Variants in KHDRBS2 observed in about 807,000 individuals in gnomAD.
The protein encoded by KHDRBS2 is KH domain-containing, RNA-binding, signal transduction-associated protein 2.
A neutral mutation model predicts 44.3 loss-of-function variants in KHDRBS2; 26 were observed. That is an observed-to-expected ratio of 0.59 (90% CI 0.43 to 0.81). The LOEUF is 0.81. Among genes scored for constraint, KHDRBS2 ranks in the 40% least tolerant of loss-of-function variants. The pLI, the probability that KHDRBS2 is intolerant of heterozygous loss-of-function variation, is 0.00. For synonymous variants in KHDRBS2, 194 were observed against 151.1 expected (o/e 1.28, Z -2.08); for missense variants, 476 against 433.1 (o/e 1.10, Z -0.88).
the KHDRBS2 span, among the ~76,000 whole-genome samples, chr6:61,591,610 G>T: frequency 6.6e-6 from 1 of 152,068 alleles, no homozygotes; most frequent in Non-Finnish European, 1.5e-5. Context: ...GCAGTGGTTT[G>T]TGTGTCCCTT....
chr6:61,773,227 CA>C (rs1320714169), intron 6 of KHDRBS2, among the ~76,000 whole-genome samples: 1 of 152,136 alleles, frequency 6.6e-6, no homozygotes, highest in Non-Finnish European at 1.5e-5. Context: ...CTGACTTCCA[CA>C]ATGGTTGAAG....
chr6:61,768,127 G>T (rs952911822), intron 6 of KHDRBS2, among the ~76,000 whole-genome samples: 2 of 152,054 alleles, frequency 1.3e-5, no homozygotes, highest in Non-Finnish European at 2.9e-5. Flanking sequence ...TAGGATAAAA[G>T]TATTCTTCCT....
At chr6:61,712,673 G>A (rs1770711034) in intron 7 of KHDRBS2, among the ~76,000 whole-genome samples, 2 of 151,780 alleles carry the variant, frequency 1.3e-5, no homozygotes, top group African/African-American at 4.8e-5. Context: ...TCTGTAACAT[G>A]AGGATAAAAT....
chr6:62,028,701 A>T (rs1475204738), intron 3 of KHDRBS2, among the ~76,000 whole-genome samples: 4 of 152,104 alleles, frequency 2.6e-5, no homozygotes, highest in Admixed American at 1.3e-4. Flanking sequence ...TTGCATGTGG[A>T]TATGTGTGTG....
At chr6:62,049,455 G>A (rs1263892560) in intron 2 of KHDRBS2, among the ~76,000 whole-genome samples, 3 of 150,482 alleles carry the variant, frequency 2.0e-5, no homozygotes, top group African/African-American at 7.3e-5. Flanking sequence ...GTGAACCTAG[G>A]CTAGGAAGAG....
At position 61,860,415 on chromosome 6, in the gene KHDRBS2, A is replaced by G. The variant is rs184551667; in HGVS notation, c.810+34220T>C. 4.9e-3 allele frequency among the ~76,000 whole-genome samples: 750 copies of G among 151,846 alleles called. 6 individuals are homozygous for G. The highest frequency in any genetic ancestry group is 0.017 in the African/African-American group (722 of 41,448). ...GCCTCCAGTGTGTGTTGTTTCCCTCAATGTGTCCATGTGCTCTCATTATTT... is the reference window on the plus strand; with the variant it reads ...GCCTCCAGTGTGTGTTGTTTCCCTCGATGTGTCCATGTGCTCTCATTATTT... On this transcript the variant is annotated intron_variant, in intron 6 of 8. Transcript: ENST00000281156.
At chr6:61,758,441 C>T (rs911146995) in intron 6 of KHDRBS2, among the ~76,000 whole-genome samples, 31 of 151,762 alleles carry the variant, frequency 2.0e-4, no homozygotes, top group Admixed American at 1.9e-3. Flanking sequence ...GGTTCTTTGT[C>T]AATTTCCATC....
At chr6:61,585,208 A>AT in the KHDRBS2 span, among the ~76,000 whole-genome samples, 3 of 151,832 alleles carry the variant, frequency 2.0e-5, no homozygotes, top group South Asian at 2.1e-4. Context: ...TGAAAGAGTG[A>AT]TAAAAAAAAA....
At chr6:61,792,542 T>C (rs1286316321) in intron 6 of KHDRBS2, among the ~76,000 whole-genome samples, 1 of 151,746 alleles carries the variant, frequency 6.6e-6, no homozygotes, top group African/African-American at 2.4e-5. Flanking sequence ...TGAAATTGTA[T>C]GTGGTATACA....
In KHDRBS2 at chr6:62,001,396, T is replaced by A. The variant is rs563508406; in HGVS notation, c.337-23184A>T. ...TTACAATCATTCATTTTTTTTTTTT[T>A]ACATATTGGTGCTCTTCTTACTGTG... On this transcript the variant is annotated intron_variant, in intron 3 of 8. Coordinates refer to ENST00000281156, the MANE Select transcript of KHDRBS2 (RefSeq NM_152688.4). Among the ~76,000 whole-genome samples the A allele has an allele frequency of 6.6e-5, 10 of 151,952 alleles. No individual in the cohort carries two copies. The South Asian group carries it at 1.9e-3, about 28-fold the overall frequency.
chr6:61,729,011 T>C (rs970285225), intron 7 of KHDRBS2, among the ~76,000 whole-genome samples: 6 of 152,134 alleles, frequency 3.9e-5, no homozygotes, highest in African/African-American at 1.4e-4. Flanking sequence ...CATTCTGTTA[T>C]AAAGACACAT....
At chr6:61,551,105 ATTTC>A in the KHDRBS2 span, among the ~76,000 whole-genome samples, 1 of 151,920 alleles carries the variant, frequency 6.6e-6, no homozygotes, top group East Asian at 1.9e-4. Context: ...TTTGATTTGT[ATTTC>A]TTTAATGGTT....
intron 1 of KHDRBS2, among the ~76,000 whole-genome samples, chr6:62,259,353 T>C (rs1837953800): frequency 6.6e-6 from 1 of 152,018 alleles, no homozygotes; most frequent in Non-Finnish European, 1.5e-5. Context: ...TCAAATACTA[T>C]ATTTTCCTTC....
At chr6:61,844,761 G>C (rs1224798172) in intron 6 of KHDRBS2, among the ~76,000 whole-genome samples, 1 of 149,126 alleles carries the variant, frequency 6.7e-6, no homozygotes, top group Non-Finnish European at 1.5e-5. Context: ...TCCTTCTTCT[G>C]AAATCATGTA....
intron 8 of KHDRBS2, among the ~76,000 whole-genome samples, chr6:61,682,766 T>C (rs976888473): frequency 3.3e-5 from 5 of 151,804 alleles, no homozygotes; most frequent in Admixed American, 2.6e-4. Flanking sequence ...CAGGAATTTA[T>C]CCCCAAACCA....
the KHDRBS2 span, among the ~76,000 whole-genome samples, chr6:61,627,057 T>A: frequency 1.3e-5 from 2 of 151,504 alleles, no homozygotes; most frequent in African/African-American, 4.8e-5. Context: ...ATCGAGACCA[T>A]CCTGGCTAAC....
intron 6 of KHDRBS2, among the ~76,000 whole-genome samples, chr6:61,769,387 G>A (rs1399382272): frequency 7.2e-5 from 11 of 152,180 alleles, no homozygotes; most frequent in African/African-American, 2.7e-4. Flanking sequence ...GAAAGCACAA[G>A]GGGTCAGGGA....
the KHDRBS2 span, among the ~76,000 whole-genome samples, chr6:61,585,303 T>A: frequency 5.3e-5 from 8 of 151,874 alleles, no homozygotes; most frequent in African/African-American, 1.7e-4. Context: ...TAGAGAAAAA[T>A]GGTACTTCAT....
At chr6:61,798,221 T>C (rs1785696244) in intron 6 of KHDRBS2, among the ~76,000 whole-genome samples, 2 of 152,126 alleles carry the variant, frequency 1.3e-5, no homozygotes, top group South Asian at 4.1e-4. Context: ...GTCATTTTGA[T>C]GCACTCATAT....
Sources: gnomAD v4.1 joint callset for allele counts (sites outside exome capture counted in the v4.1 genomes callset) on GRCh38, gnomAD v4.1.1 for gene constraint, MANE v1.5 for transcripts, NCBI Gene and HGNC (gene_info 2026-07-23, HGNC 2026-07-21) for gene names.